Variants in CHRM3 observed in about 807,000 individuals in gnomAD.
CHRM3 encodes muscarinic acetylcholine receptor M3.
Under a neutral mutation model 41.8 loss-of-function variants are expected in CHRM3, and 11 were observed. That is an observed-to-expected ratio of 0.26 (90% CI 0.17 to 0.44). The LOEUF (loss-of-function observed/expected upper bound fraction) is 0.44. Among genes scored for constraint, CHRM3 ranks in the 20% least tolerant of loss-of-function variants. The pLI is 1.00. For missense variants in CHRM3, 571 were observed against 745.4 expected, an observed-to-expected ratio of 0.77 and a Z score of 2.72; for synonymous variants, 297 against 301.4, an observed-to-expected ratio of 0.99 and a Z score of 0.15.
chr1:239,568,613 C>A (rs1179853335), intron 3 of CHRM3, among the ~76,000 whole-genome samples: 1 of 152,120 alleles, frequency 6.6e-6, no homozygotes, highest in Middle Eastern at 3.2e-3. Flanking sequence ...CTTCCCATCC[C>A]AGGGACAATG....
intron 2 of CHRM3, among the ~76,000 whole-genome samples, chr1:239,533,869 T>C (rs1657929413): frequency 6.6e-6 from 1 of 151,626 alleles, no homozygotes; most frequent in Non-Finnish European, 1.5e-5. Context: ...CCATGACATG[T>C]GGGGATTATG....
Position 239,909,324 on chromosome 1 carries a change from A to C in CHRM3, c.*100A>C. ...GGGGTGACTTCTGGTGATGATAAAA[A>C]TGGTTTTATCACCCAGATGTGAAAG... On this transcript the variant is annotated 3_prime_UTR_variant, in exon 7 of 7. Transcript: ENST00000676153. 1 of 1,279,188 alleles carries C rather than the reference A, an allele frequency of 7.8e-7. No individual in the cohort carries two copies. The highest frequency in any genetic ancestry group is 1.5e-5 in the South Asian group (1 of 66,174). 79.2% of individuals were successfully genotyped at this position (1,279,188 alleles called of 1,614,324 possible). A position where few individuals can be genotyped will look rare whatever the true frequency, so the allele number is the denominator to read the frequency against.
intron 6 of CHRM3, among the ~76,000 whole-genome samples, chr1:239,838,723 C>T (rs547154098): frequency 7.2e-5 from 11 of 152,256 alleles, no homozygotes; most frequent in African/African-American, 2.6e-4. Flanking sequence ...ATGGCAGGGT[C>T]CTCCGCACAT....
intron 4 of CHRM3, among the ~76,000 whole-genome samples, chr1:239,646,565 A>ACC (rs1671756532): frequency 6.6e-6 from 1 of 152,128 alleles, no homozygotes; most frequent in Admixed American, 6.6e-5. Context: ...ACATAGAGAT[A>ACC]CCCTTCTATA....
intron 5 of CHRM3, among the ~76,000 whole-genome samples, chr1:239,679,279 A>T (rs372591100): frequency 2.0e-5 from 3 of 152,156 alleles, no homozygotes; most frequent in Non-Finnish European, 4.4e-5. Flanking sequence ...AAACTACATA[A>T]CAACTCACCT....
At chr1:239,808,929 G>A (rs900526831) in intron 5 of CHRM3, among the ~76,000 whole-genome samples, 3 of 151,438 alleles carry the variant, frequency 2.0e-5, no homozygotes, top group Admixed American at 6.6e-5. Context: ...AGCACTGCAT[G>A]TTACTTTTTA....
intron 4 of CHRM3, among the ~76,000 whole-genome samples, chr1:239,641,543 C>A (rs1045865345): frequency 6.9e-5 from 10 of 145,874 alleles, no homozygotes; most frequent in Non-Finnish European, 1.3e-4. Context: ...CTCTTTTGAT[C>A]TTTGTTGGTT....
intron 2 of CHRM3, among the ~76,000 whole-genome samples, chr1:239,499,159 G>C (rs533384167): frequency 1.3e-5 from 2 of 152,200 alleles, no homozygotes; most frequent in East Asian, 3.9e-4. Flanking sequence ...CAACTTGATA[G>C]GTTACTTCTG....
At chr1:239,890,992 A>G (rs371378181) in intron 6 of CHRM3, among the ~76,000 whole-genome samples, 21 of 152,348 alleles carry the variant, frequency 1.4e-4, no homozygotes, top group African/African-American at 5.1e-4. Context: ...AGCAAAGGGA[A>G]AGACAAGCCT....
chr1:239,403,730 G>A (rs947669323), intron 1 of CHRM3, among the ~76,000 whole-genome samples: 6 of 151,836 alleles, frequency 4.0e-5, no homozygotes, highest in Admixed American at 2.0e-4. Flanking sequence ...TCAATCACAG[G>A]GACTTGGAGG....
At chr1:239,505,114 A>G (rs1668481538) in intron 2 of CHRM3, among the ~76,000 whole-genome samples, 2 of 152,202 alleles carry the variant, frequency 1.3e-5, no homozygotes, top group Non-Finnish European at 2.9e-5. Flanking sequence ...CTGTATTTTG[A>G]GAAAATTACT....
intron 1 of CHRM3, among the ~76,000 whole-genome samples, chr1:239,479,130 G>A (rs115030924): frequency 0.016 from 2,380 of 151,254 alleles, 54 homozygotes; most frequent in Middle Eastern, 0.052. Context: ...GTTGTAGGGA[G>A]CCAAGATTGT....
intron 3 of CHRM3, among the ~76,000 whole-genome samples, chr1:239,618,578 C>A (rs1464675296): frequency 6.6e-6 from 1 of 151,878 alleles, no homozygotes; most frequent in African/African-American, 2.4e-5. Context: ...GGCGCGGTGG[C>A]TCACGCCTGT....
At chr1:239,604,281 T>A (rs10925925) in intron 3 of CHRM3, among the ~76,000 whole-genome samples, 1 of 148,206 alleles carries the variant, frequency 6.7e-6, no homozygotes, top group Non-Finnish European at 1.5e-5. Flanking sequence ...TTAGCACATC[T>A]GGGAAACTAG....
chr1:239,520,614 T>A (rs1396400728), intron 2 of CHRM3, among the ~76,000 whole-genome samples: 1 of 152,154 alleles, frequency 6.6e-6, no homozygotes, highest in African/African-American at 2.4e-5. Flanking sequence ...TTAAACCTCT[T>A]TTCTTTGTAA....
intron 1 of CHRM3, among the ~76,000 whole-genome samples, chr1:239,409,920 G>A (rs756342997): frequency 2.6e-5 from 4 of 152,210 alleles, no homozygotes; most frequent in Non-Finnish European, 5.9e-5. Context: ...CAGCCTGGGT[G>A]ACAGAGCGAG....
intron 5 of CHRM3, among the ~76,000 whole-genome samples, chr1:239,823,836 A>G (rs1041728406): frequency 1.3e-5 from 2 of 152,096 alleles, no homozygotes; most frequent in African/African-American, 4.8e-5. Context: ...GGAATTAGCA[A>G]GAAAACTGGC....
Position 239,856,728 on chromosome 1 carries a change from G to A in CHRM3, c.-20+29350G>A, listed in dbSNP as rs139372693. Among the ~76,000 whole-genome samples, 3 of 152,206 alleles carry A rather than the reference G, an allele frequency of 2.0e-5. No homozygotes were observed. In the East Asian group the frequency reaches 5.8e-4, roughly 29 times the overall value. ...GAGTTGAGAAAGTGCCCAGCACAATGTCTGACACGTAAATGATTCTTGATA... is the reference window on the plus strand; with the variant it reads ...GAGTTGAGAAAGTGCCCAGCACAATATCTGACACGTAAATGATTCTTGATA... On this transcript the variant is annotated intron_variant, in intron 6 of 6. Coordinates refer to ENST00000676153, the MANE Select transcript of CHRM3 (RefSeq NM_001375978.1).
intron 6 of CHRM3, among the ~76,000 whole-genome samples, chr1:239,881,229 G>A (rs951324827): frequency 7.6e-6 from 1 of 131,426 alleles, no homozygotes; most frequent in Admixed American, 9.0e-5. Context: ...CTTGCAGTGA[G>A]CCGAGATCCC....
Sources: allele counts gnomAD v4.1 joint callset (sites outside exome capture counted in the v4.1 genomes callset), GRCh38; gene constraint gnomAD v4.1.1; transcripts MANE v1.5; gene names NCBI Gene and HGNC (gene_info 2026-07-23, HGNC 2026-07-21).